KCNQ1OT1: variants seen among roughly 807,000 people sequenced by gnomAD.
KCNQ1OT1 encodes the protein KCNQ1 opposite strand/antisense transcript 1.
In KCNQ1OT1 at chr11:2,659,070, A is replaced by G; in HGVS notation, n.40925T>C. The G allele has an allele frequency of 2.5e-6, 1 of 398,556 alleles. No homozygotes were observed. Among genetic ancestry groups the G allele is most frequent in the Non-Finnish European group, 4.4e-6 (1 of 226,028 alleles). The allele number at this position is 398,556 out of a possible 1,614,324, so 24.7% of individuals were successfully genotyped here. ...CATTTGTTTGTAACACGCTCATCATAGTCTGCTTTTCATCGTAGGGTCCTC... is the reference window on the plus strand; with the variant it reads ...CATTTGTTTGTAACACGCTCATCATGGTCTGCTTTTCATCGTAGGGTCCTC... On this transcript the variant is annotated non_coding_transcript_exon_variant, in exon 1 of 1. Coordinates refer to ENST00000597346, the Ensembl canonical transcript of KCNQ1OT1. The surrounding 1 kb of genome is among the most constrained non-coding windows in gnomAD (Gnocchi z 4.3).
At position 2,691,716 on chromosome 11, in the gene KCNQ1OT1, A is replaced by G; in HGVS notation, n.8279T>C. ...CTCCCCATCTGTCCAGGGGAGAGGC[A>G]GCCCACAGGGAGCCACACAGGCAGG... On this transcript the variant is annotated non_coding_transcript_exon_variant, in exon 1 of 1. Coordinates refer to ENST00000597346, the Ensembl canonical transcript of KCNQ1OT1. This position sits in a 1 kb window ranked among gnomAD's most constrained non-coding sequence, Gnocchi z 6.4. 2.5e-6 allele frequency: 1 copy of G among 398,586 alleles called. No homozygotes were observed. Among genetic ancestry groups the G allele is most frequent in the Admixed American group, 4.4e-5 (1 of 22,734 alleles). The allele number at this position is 398,586 out of a possible 1,614,324, so 24.7% of individuals were successfully genotyped here. A position where few individuals can be genotyped will look rare whatever the true frequency, so the allele number is the denominator to read the frequency against.
exon 1 of KCNQ1OT1, chr11:2,684,354 G>A (rs763414882): frequency 2.4e-4 from 95 of 398,602 alleles, no homozygotes; most frequent in Non-Finnish European, 2.5e-4. Flanking sequence ...TTGAGGCCTG[G>A]GACTTGCTGC....
At position 2,676,789 on chromosome 11, in the gene KCNQ1OT1, G is replaced by C. The variant is rs1160643945; in HGVS notation, n.23206C>G. 1 of 398,626 alleles carries C rather than the reference G, an allele frequency of 2.5e-6. No homozygotes were observed. The highest frequency in any genetic ancestry group is 3.6e-5 in the East Asian group (1 of 28,074). The allele number at this position is 398,626 out of a possible 1,614,324, so 24.7% of individuals were successfully genotyped here. ...CCCTAGGACATTTGAAGAGAATGGA[G>C]TGATGGCCAGTGTATTGTGCTGGGA... On this transcript the variant is annotated non_coding_transcript_exon_variant, in exon 1 of 1. Coordinates refer to ENST00000597346, the Ensembl canonical transcript of KCNQ1OT1. This position sits in a 1 kb window ranked among gnomAD's most constrained non-coding sequence, Gnocchi z 4.2.
At chr11:2,688,385 A>G in exon 1 of KCNQ1OT1, 1 of 398,722 alleles carries the variant, frequency 2.5e-6, no homozygotes, top group Non-Finnish European at 4.4e-6. Flanking sequence ...GGTTTCAATA[A>G]CTGCCATCCT....
At position 2,621,379 on chromosome 11, in the gene KCNQ1OT1, A is replaced by G. The variant is rs1849169501; in HGVS notation, n.78616T>C. 2.5e-6 allele frequency: 1 copy of G among 398,562 alleles called. No homozygotes were observed. Among genetic ancestry groups the G allele is most frequent in the Non-Finnish European group, 4.4e-6 (1 of 226,044 alleles). The allele number at this position is 398,562 out of a possible 1,614,324, so 24.7% of individuals were successfully genotyped here. A position where few individuals can be genotyped will look rare whatever the true frequency, so the allele number is the denominator to read the frequency against. On this transcript the variant is annotated non_coding_transcript_exon_variant, in exon 1 of 1. Coordinates refer to ENST00000597346, the Ensembl canonical transcript of KCNQ1OT1. The surrounding 1 kb of genome is among the most constrained non-coding windows in gnomAD (Gnocchi z 5.7). ...AAATGTATGTTCCTGTCCTTTGCCA[A>G]TTCAATTGGATTATTCGTTTTTTGC...
chr11:2,664,563 G>C lies in KCNQ1OT1; in HGVS notation n.35432C>G, dbSNP rs1850029801. The C allele has an allele frequency of 2.5e-6, 1 of 398,686 alleles. No individual in the cohort carries two copies. Among genetic ancestry groups the C allele is most frequent in the East Asian group, 3.6e-5 (1 of 28,070 alleles). 24.7% of individuals were successfully genotyped at this position (398,686 alleles called of 1,614,324 possible). A position where few individuals can be genotyped will look rare whatever the true frequency, so the allele number is the denominator to read the frequency against. ...CGGCAGGGGTGTGGGGGCCGTGCAG[G>C]TCTTCTGCCCGCATTGGGGCTGCAT... On this transcript the variant is annotated non_coding_transcript_exon_variant, in exon 1 of 1. Coordinates refer to ENST00000597346, the Ensembl canonical transcript of KCNQ1OT1. The surrounding 1 kb of genome is among the most constrained non-coding windows in gnomAD (Gnocchi z 5.1).
exon 1 of KCNQ1OT1, chr11:2,632,215 G>A (rs1849369713): frequency 2.6e-6 from 1 of 391,736 alleles, no homozygotes; most frequent in African/African-American, 2.1e-5. Flanking sequence ...AAATGCAACT[G>A]AATTTTGTGT....
chr11:2,683,754 A>G lies in KCNQ1OT1; in HGVS notation n.16241T>C, dbSNP rs902353028. 5.0e-6 allele frequency: 2 copies of G among 398,478 alleles called. No individual in the cohort carries two copies. Among genetic ancestry groups the G allele is most frequent in the Admixed American group, 4.4e-5 (1 of 22,720 alleles). 24.7% of individuals were successfully genotyped at this position (398,478 alleles called of 1,614,324 possible). Reference sequence around the variant, plus strand: ...TAGCTTTAGCTCTGAGGCAGCCCAGATGACATGGGCCTCTAAGGCTGGCTG... The same window carrying G: ...TAGCTTTAGCTCTGAGGCAGCCCAGGTGACATGGGCCTCTAAGGCTGGCTG... On this transcript the variant is annotated non_coding_transcript_exon_variant, in exon 1 of 1. Transcript: ENST00000597346. The surrounding 1 kb of genome is among the most constrained non-coding windows in gnomAD (Gnocchi z 4.7).
exon 1 of KCNQ1OT1, chr11:2,660,428 A>G: frequency 2.5e-6 from 1 of 398,642 alleles, no homozygotes; most frequent in Non-Finnish European, 4.4e-6. Flanking sequence ...TAAAAACATA[A>G]AACATTTTCT....
chr11:2,670,301 T>A lies in KCNQ1OT1; in HGVS notation n.29694A>T. 1 of 398,596 alleles carries A rather than the reference T, an allele frequency of 2.5e-6. No homozygotes were observed. The highest frequency in any genetic ancestry group is 1.3e-4 in the South Asian group (1 of 7,860). 24.7% of individuals were successfully genotyped at this position (398,596 alleles called of 1,614,324 possible). A position where few individuals can be genotyped will look rare whatever the true frequency, so the allele number is the denominator to read the frequency against. ...CTCTAGGCAACCCATAGGTGCCCAA[T>A]GGAGAGATAATCTCAAATATGGTAG... On this transcript the variant is annotated non_coding_transcript_exon_variant, in exon 1 of 1. Coordinates refer to ENST00000597346, the Ensembl canonical transcript of KCNQ1OT1. This position sits in a 1 kb window ranked among gnomAD's most constrained non-coding sequence, Gnocchi z 4.9.
In KCNQ1OT1 at chr11:2,658,835, G is replaced by T; in HGVS notation, n.41160C>A. On this transcript the variant is annotated non_coding_transcript_exon_variant, in exon 1 of 1. Transcript: ENST00000597346. The surrounding 1 kb of genome is among the most constrained non-coding windows in gnomAD (Gnocchi z 4.9). ...CTTATTTATAGCTTTTTCTCTGACA[G>T]CTAGAAACCTGGCTCCCATTACCTA... 2.5e-6 allele frequency: 1 copy of T among 398,366 alleles called. No homozygotes were observed. The highest frequency in any genetic ancestry group is 4.4e-6 in the Non-Finnish European group (1 of 226,002). The allele number at this position is 398,366 out of a possible 1,614,324, so 24.7% of individuals were successfully genotyped here. A position where few individuals can be genotyped will look rare whatever the true frequency, so the allele number is the denominator to read the frequency against.
chr11:2,694,928 G>C, exon 1 of KCNQ1OT1: 1 of 398,714 alleles, frequency 2.5e-6, no homozygotes, highest in Non-Finnish European at 4.4e-6. Context: ...GGCAGAGGTG[G>C]TGAAGGCCTT....
In KCNQ1OT1 at chr11:2,647,546, A is replaced by G. The variant is rs1849685083; in HGVS notation, n.52449T>C. ...AGTTAGGGAGAATTCCTTTCTCTTCAGTCTTTTGGAATTGTCTGAGAAGAA... is the reference window on the plus strand; with the variant it reads ...AGTTAGGGAGAATTCCTTTCTCTTCGGTCTTTTGGAATTGTCTGAGAAGAA... On this transcript the variant is annotated non_coding_transcript_exon_variant, in exon 1 of 1. Transcript: ENST00000597346. This position sits in a 1 kb window ranked among gnomAD's most constrained non-coding sequence, Gnocchi z 4.0. 5.0e-6 allele frequency: 2 copies of G among 398,434 alleles called. No individual in the cohort carries two copies. The highest frequency in any genetic ancestry group is 2.5e-4 in the South Asian group (2 of 7,862). 24.7% of individuals were successfully genotyped at this position (398,434 alleles called of 1,614,324 possible).
At chr11:2,697,956 C>G in exon 1 of KCNQ1OT1, 1 of 398,582 alleles carries the variant, frequency 2.5e-6, no homozygotes, top group Non-Finnish European at 4.4e-6. Flanking sequence ...TAAAATACAC[C>G]CATAATCAAG....
At chr11:2,667,308 T>C (rs1850094579) in exon 1 of KCNQ1OT1, 1 of 398,576 alleles carries the variant, frequency 2.5e-6, no homozygotes, top group Non-Finnish European at 4.4e-6. Context: ...ACTGTCTAGG[T>C]GGATGGCCCA....
rs563755165 is a variant in KCNQ1OT1, at chr11:2,642,072, T to C, written n.57923A>G. ...GGCAGTGTGATGCATCCAACTTTGT[T>C]ATTTTTGCTCAGAATTGCTGTGGCT... is the stretch of plus-strand genomic sequence containing the variant. On this transcript the variant is annotated non_coding_transcript_exon_variant, in exon 1 of 1. Transcript: ENST00000597346. The surrounding 1 kb of genome is among the most constrained non-coding windows in gnomAD (Gnocchi z 4.3). The C allele has an allele frequency of 5.0e-6, 2 of 398,496 alleles. No homozygotes were observed. Among genetic ancestry groups the C allele is most frequent in the East Asian group, 7.1e-5 (2 of 28,052 alleles). The allele number at this position is 398,496 out of a possible 1,614,324, so 24.7% of individuals were successfully genotyped here.
Position 2,645,900 on chromosome 11 carries a change from A to G in KCNQ1OT1, n.54095T>C, listed in dbSNP as rs1005789569. 2 of 398,478 alleles carry G rather than the reference A, an allele frequency of 5.0e-6. No homozygotes were observed. The highest frequency in any genetic ancestry group is 4.4e-5 in the Admixed American group (1 of 22,716). The allele number at this position is 398,478 out of a possible 1,614,324, so 24.7% of individuals were successfully genotyped here. ...TGATCTCCCTCTCTGGGAGCTGTTC[A>G]TTGCCATTTCACAGTCTGTAGGTAG... On this transcript the variant is annotated non_coding_transcript_exon_variant, in exon 1 of 1. Transcript: ENST00000597346. This position sits in a 1 kb window ranked among gnomAD's most constrained non-coding sequence, Gnocchi z 5.8.
chr11:2,653,163 A>G lies in KCNQ1OT1; in HGVS notation n.46832T>C. 1 of 398,742 alleles carries G rather than the reference A, an allele frequency of 2.5e-6. No individual in the cohort carries two copies. 24.7% of individuals were successfully genotyped at this position (398,742 alleles called of 1,614,324 possible). A position where few individuals can be genotyped will look rare whatever the true frequency, so the allele number is the denominator to read the frequency against. On this transcript the variant is annotated non_coding_transcript_exon_variant, in exon 1 of 1. Transcript: ENST00000597346. This position sits in a 1 kb window ranked among gnomAD's most constrained non-coding sequence, Gnocchi z 5.3. ...CAGTAGAAAGCCAATGTCCCACCTT[A>G]GGAAATCCCTTTCCAAGAGTTCCCT...
exon 1 of KCNQ1OT1, chr11:2,656,112 G>A (rs1054738342): frequency 3.3e-5 from 13 of 398,514 alleles, no homozygotes; most frequent in East Asian, 1.1e-4. Flanking sequence ...GCAACTCTAC[G>A]TTCTAGCCTG....
Sources: gnomAD v4.1 joint callset for allele counts on GRCh38, gnomAD v4.1.1 for gene constraint, Gnocchi (gnomAD v3.1) non-coding constraint, MANE v1.5 for transcripts, NCBI Gene and HGNC (gene_info 2026-07-23, HGNC 2026-07-21) for gene names.